ALS2: variants seen among roughly 807,000 people sequenced by gnomAD.
ALS2 encodes the protein alsin.
A neutral mutation model predicts 203.4 loss-of-function variants in ALS2; 117 were observed. That is an observed-to-expected ratio of 0.58 (90% confidence interval 0.50 to 0.67). ALS2 has a LOEUF of 0.67. Ranked by LOEUF, ALS2 falls within the 30% of genes least tolerant of loss-of-function variation. ALS2 has a pLI of 0.00. For synonymous variants in ALS2, 718 were observed against 725.9 expected (o/e 0.99, Z 0.17); for missense variants, 1,715 against 1,989.4 (o/e 0.86, Z 2.62).
chr2:201,767,098 T>C, intron 3 of ALS2, 131 bp downstream of exon 3: 1 of 1,062,622 alleles, frequency 9.4e-7, no homozygotes, highest in Non-Finnish European at 1.3e-6. Flanking sequence ...ATAATAATAA[T>C]AAAATTTAAA....
At chr2:201,738,782 A>G in intron 11 of ALS2, 47 bp from the exon 12 acceptor site, 1 of 1,478,410 alleles carries the variant, frequency 6.8e-7, no homozygotes, top group South Asian at 1.1e-5. Context: ...AATGTAAATT[A>G]GTTCTTCAGT....
chr2:201,751,560 C>A (rs574565901), intron 7 of ALS2, among the ~76,000 whole-genome samples: 23 of 152,258 alleles, frequency 1.5e-4, no homozygotes, highest in Non-Finnish European at 1.5e-5. Context: ...TATATAAGTG[C>A]AGCAACACTT....
chr2:201,705,004 A>C (rs1024556178), intron 31 of ALS2, 135 bp downstream of exon 31: 3 of 897,200 alleles, frequency 3.3e-6, no homozygotes, highest in Non-Finnish European at 5.3e-6. Flanking sequence ...TCTGATTTCC[A>C]GATTGAGTTT....
At chr2:201,769,025 T>C in intron 1 of ALS2, 80 bp from the exon 2 acceptor site, 1 of 661,310 alleles carries the variant, frequency 1.5e-6, no homozygotes, top group Non-Finnish European at 2.6e-6. Flanking sequence ...AGCAGCCCTC[T>C]AACAAGTGCA....
intron 3 of ALS2, 143 bp from the exon 4 acceptor site, chr2:201,761,961 G>T: frequency 2.3e-6 from 2 of 865,632 alleles, no homozygotes; most frequent in Non-Finnish European, 3.6e-6. Context: ...TAGAAATCTG[G>T]TTCAAGCACA....
chr2:201,707,911 C>T lies in ALS2; in HGVS notation c.4361G>A (p.Cys1454Tyr). The change falls in exon 28 of 34, where the codon TGC becomes TAC. Residue 1454 changes from cysteine to tyrosine, a missense_variant. By Grantham distance (194) the Cys-to-Tyr change is radical. Transcript: ENST00000264276. ...APLPTERKSF[C>Y]TGKSDSRSES... ...AGATCGGGAATCTGACTTCCCAGTG[C>T]AAAAAGACTTCCTTTCGGTTGGCAG... The T allele has an allele frequency of 6.2e-7, 1 of 1,613,592 alleles. No homozygotes were observed.
At chr2:201,776,908 A>G (rs2106118738) in intron 1 of ALS2, among the ~76,000 whole-genome samples, 2 of 152,354 alleles carry the variant, frequency 1.3e-5, no homozygotes, top group South Asian at 4.1e-4. Flanking sequence ...GGGATCAGCT[A>G]CTAAACGTAT....
chr2:201,777,826 C>T (rs1694724951), intron 1 of ALS2, among the ~76,000 whole-genome samples: 1 of 152,012 alleles, frequency 6.6e-6, no homozygotes, highest in African/African-American at 2.4e-5. Flanking sequence ...TAGCATTTTG[C>T]TTTTTTCACC....
intron 12 of ALS2, among the ~76,000 whole-genome samples, 193 bp from the exon 13 acceptor site, chr2:201,733,631 T>C (rs1691709756): frequency 1.3e-5 from 2 of 152,198 alleles, no homozygotes; most frequent in South Asian, 2.1e-4. Flanking sequence ...ATTTTTAGTA[T>C]GAAAAGTAGC....
chr2:201,703,162 T>C (rs1379816297), intron 33 of ALS2, among the ~76,000 whole-genome samples: 5 of 151,970 alleles, frequency 3.3e-5, no homozygotes. Flanking sequence ...GTTTAAATAG[T>C]TAACCTAGGC....
In ALS2 at chr2:201,768,949, A is replaced by C; in HGVS notation, c.-60-4T>G. The C allele has an allele frequency of 2.0e-6, 3 of 1,511,368 alleles. No homozygotes were observed. The South Asian group carries it at 3.4e-5, about 17-fold the overall frequency. The allele number at this position is 1,511,368 out of a possible 1,614,324, so 93.6% of individuals were successfully genotyped here. A position where few individuals can be genotyped will look rare whatever the true frequency, so the allele number is the denominator to read the frequency against. Reference sequence around the variant, plus strand: ...TTTACAGAAAGTCTATCAAGACCTAAACAGTACAAGTAAGGAAAAGAGCAG... The same window carrying C: ...TTTACAGAAAGTCTATCAAGACCTACACAGTACAAGTAAGGAAAAGAGCAG... On this transcript the variant is annotated splice_polypyrimidine_tract_variant and splice_region_variant and intron_variant, in intron 1 of 33. Coordinates refer to ENST00000264276, the MANE Select transcript of ALS2 (RefSeq NM_020919.4).
chr2:201,720,440 T>C (rs1334743803), intron 23 of ALS2, among the ~76,000 whole-genome samples: 8 of 148,712 alleles, frequency 5.4e-5, no homozygotes, highest in Non-Finnish European at 1.2e-4. Context: ...TGGTGGCTCA[T>C]GCCTGTAATC....
At chr2:201,751,609 C>T (rs559822736) in intron 7 of ALS2, among the ~76,000 whole-genome samples, 13 of 152,204 alleles carry the variant, frequency 8.5e-5, no homozygotes, top group Admixed American at 2.6e-4. Flanking sequence ...CAGTTTGTTA[C>T]GTATTTTCAT....
intron 4 of ALS2, 119 bp from the exon 5 acceptor site, chr2:201,757,878 A>G: frequency 3.9e-6 from 3 of 759,922 alleles, no homozygotes; most frequent in South Asian, 3.8e-5. Context: ...AAACGACAGA[A>G]GTTCTCTTCA....
intron 1 of ALS2, among the ~76,000 whole-genome samples, chr2:201,772,940 C>A (rs1328774320): frequency 1.4e-5 from 2 of 146,976 alleles, no homozygotes; most frequent in East Asian, 4.1e-4. Context: ...CAGCTCACTG[C>A]AACCTCCACC....
chr2:201,759,043 C>T (rs1186825339), intron 4 of ALS2, among the ~76,000 whole-genome samples: 2 of 152,116 alleles, frequency 1.3e-5, no homozygotes, highest in Non-Finnish European at 2.9e-5. Flanking sequence ...ACTAGTGTCA[C>T]TATGTCCACT....
chr2:201,757,596 C>T lies in ALS2; in HGVS notation c.1277G>A (p.Ser426Asn). ...AGCTCCAGTTTCACAAGGGGTTGTA[C>T]TATAAAAGTTCATAACTTTCTTCAG... ...LSLKKVMNFY[S>N]TTPCETGAQA... The change falls in exon 5 of 34, where the codon AGT becomes AAT. Residue 426 changes from serine to asparagine, a missense_variant. This residue lies in a region of ALS2 where 476 missense variants were observed against 539.3 expected (regional missense o/e 0.88). Coordinates refer to ENST00000264276, the MANE Select transcript of ALS2 (RefSeq NM_020919.4). 1 of 1,614,152 alleles carries T rather than the reference C, an allele frequency of 6.2e-7. No individual in the cohort carries two copies. The highest frequency in any genetic ancestry group is 1.7e-5 in the Admixed American group (1 of 60,018).
At chr2:201,772,405 T>C (rs1694437126) in intron 1 of ALS2, among the ~76,000 whole-genome samples, 1 of 152,222 alleles carries the variant, frequency 6.6e-6, no homozygotes, top group Non-Finnish European at 1.5e-5. Context: ...AAAAGTTTTT[T>C]CAATAACACT....
rs144153160 is a variant in ALS2, at chr2:201,772,535, G to A, written c.-60-3590C>T. 1.5e-3 allele frequency among the ~76,000 whole-genome samples: 221 copies of A among 152,216 alleles called. 2 individuals are homozygous for A. Among genetic ancestry groups the A allele is most frequent in the African/African-American group, 4.9e-3 (204 of 41,518 alleles). ...GTGAATATTCATACATCGTGTTGTAGAAATATCAGTATGAATAGGGCAGCA... is the reference window on the plus strand; with the variant it reads ...GTGAATATTCATACATCGTGTTGTAAAAATATCAGTATGAATAGGGCAGCA... On this transcript the variant is annotated intron_variant, in intron 1 of 33. Coordinates refer to ENST00000264276, the MANE Select transcript of ALS2 (RefSeq NM_020919.4).
Sources: allele counts gnomAD v4.1 joint callset (sites outside exome capture counted in the v4.1 genomes callset), GRCh38; gene constraint gnomAD v4.1.1; regional missense constraint gnomAD v4.1.1; transcripts MANE v1.5; gene names NCBI Gene and HGNC (gene_info 2026-07-23, HGNC 2026-07-21).